Variants in RCC1L observed in about 807,000 individuals in gnomAD.
RCC1L encodes the protein RCC1 like.
RCC1L carries 46 observed loss-of-function variants against 58.6 expected under a neutral mutation model. That is an observed-to-expected ratio of 0.79 (90% confidence interval 0.62 to 1.00). RCC1L has a LOEUF of 1.00. Ranked by LOEUF, RCC1L falls within the 50% of genes least tolerant of loss-of-function variation. The pLI is 0.00. For missense variants in RCC1L, 636 were observed against 623.6 expected, an observed-to-expected ratio of 1.02 and a Z score of -0.21; for synonymous variants, 281 against 262.9, an observed-to-expected ratio of 1.07 and a Z score of -0.67.
intron 9 of RCC1L, 38 bp from the exon 10 acceptor site, chr7:75,052,834 G>A (rs1563074671): frequency 6.3e-7 from 1 of 1,583,926 alleles, no homozygotes; most frequent in Non-Finnish European, 8.6e-7. Context: ...TTGGGACTGT[G>A]TGAAGAACAA....
chr7:75,038,259 T>G (rs1178479575), downstream of RCC1L, among the ~76,000 whole-genome samples: 1 of 152,150 alleles, frequency 6.6e-6, no homozygotes, highest in Non-Finnish European at 1.5e-5. Flanking sequence ...AACAGTTGTT[T>G]GTTTGTTTTT....
At chr7:75,034,736 C>G (rs1805397515) in intron 10 of RCC1L, among the ~76,000 whole-genome samples, 3 of 152,110 alleles carry the variant, frequency 2.0e-5, no homozygotes, top group South Asian at 2.1e-4. Flanking sequence ...ACTGCAGCCT[C>G]GAACTCCTGG....
chr7:75,072,429 G>A (rs1554446290), intron 1 of RCC1L, among the ~76,000 whole-genome samples: 1 of 151,736 alleles, frequency 6.6e-6, no homozygotes, highest in African/African-American at 2.4e-5. Context: ...AGGCAGATGA[G>A]AAAGTGTGGC....
chr7:75,073,256 C>T (rs1806831498), intron 1 of RCC1L, among the ~76,000 whole-genome samples, 158 bp downstream of exon 1: 1 of 152,268 alleles, frequency 6.6e-6, no homozygotes, highest in African/African-American at 2.4e-5. Context: ...CCACCCCTAA[C>T]GCCTTCCCCT....
intron 1 of RCC1L, among the ~76,000 whole-genome samples, chr7:75,071,270 T>A (rs1294592480): frequency 6.6e-6 from 1 of 152,168 alleles, no homozygotes; most frequent in Non-Finnish European, 1.5e-5. Context: ...GATTTACACA[T>A]AGACCATAAA....
At chr7:75,053,032 T>G (rs587711685) in intron 9 of RCC1L, among the ~76,000 whole-genome samples, 1 of 139,314 alleles carries the variant, frequency 7.2e-6, no homozygotes, top group East Asian at 2.1e-4. Context: ...ACGTGGGAGA[T>G]GAGCACTCAA....
chr7:75,040,439 A>G (rs922494231), downstream of RCC1L, among the ~76,000 whole-genome samples: 5 of 152,150 alleles, frequency 3.3e-5, no homozygotes, highest in Admixed American at 6.5e-5. Flanking sequence ...CAGCCTGGGC[A>G]ACAGAGAGAG....
chr7:75,073,415 T>G lies in RCC1L; in HGVS notation c.323A>C (p.Lys108Thr). The change falls in exon 1 of 11, where the codon AAG becomes ACG. Residue 108 changes from lysine to threonine, a missense_variant and splice_region_variant. Lys to Thr is a moderately conservative substitution (Grantham distance 78). Transcript: ENST00000610322. ...PVPYRLELDQ[K>T]ISSAACGYGF... ...GAAGGAGGAAGCCGCGGCCTGCACC[T>G]TTTGGTCCAGCTCCAGGCGATAGGG... 1 of 1,252,216 alleles carries G rather than the reference T, an allele frequency of 8.0e-7. No individual in the cohort carries two copies. The allele number at this position is 1,252,216 out of a possible 1,614,324, so 77.6% of individuals were successfully genotyped here. A position where few individuals can be genotyped will look rare whatever the true frequency, so the allele number is the denominator to read the frequency against.
intron 10 of RCC1L, among the ~76,000 whole-genome samples, chr7:75,046,136 G>T (rs1805713390): frequency 6.6e-6 from 1 of 152,232 alleles, no homozygotes; most frequent in African/African-American, 2.4e-5. Flanking sequence ...ACAGCAGATG[G>T]ATGCTAGAAA....
chr7:75,040,439 A>C (rs922494231), downstream of RCC1L, among the ~76,000 whole-genome samples: 91 of 152,152 alleles, frequency 6.0e-4, 1 homozygote, highest in Admixed American at 2.1e-3. Flanking sequence ...CAGCCTGGGC[A>C]ACAGAGAGAG....
intron 7 of RCC1L, chr7:75,058,280 A>G: frequency 2.7e-6 from 1 of 365,582 alleles, no homozygotes; most frequent in African/African-American, 2.2e-5. Context: ...TCTGTCACCC[A>G]GGCTGGAATG....
chr7:75,048,810 C>T (rs1486492881), intron 10 of RCC1L, among the ~76,000 whole-genome samples: 4 of 152,238 alleles, frequency 2.6e-5, no homozygotes, highest in Non-Finnish European at 5.9e-5. Flanking sequence ...TCTCTCCACA[C>T]CAGCTTCAGG....
Position 75,052,077 on chromosome 7 carries a change from G to A in RCC1L, c.1317+634C>T, listed in dbSNP as rs949686307. Among the ~76,000 whole-genome samples, 31 of 152,098 alleles carry A rather than the reference G, an allele frequency of 2.0e-4. 1 individual carries two copies. Among genetic ancestry groups the A allele is most frequent in the Admixed American group, 5.2e-4 (8 of 15,266 alleles). On this transcript the variant is annotated intron_variant, in intron 10 of 10. Transcript: ENST00000610322. ...GGTAAACTACAATTTTAGAATGAGCGTCTCTTCCCCTGTAATTCTGGAAGG... is the reference window on the plus strand; with the variant it reads ...GGTAAACTACAATTTTAGAATGAGCATCTCTTCCCCTGTAATTCTGGAAGG...
intron 8 of RCC1L, chr7:75,056,449 C>A (rs1285526202): frequency 1.5e-6 from 2 of 1,363,286 alleles, no homozygotes; most frequent in South Asian, 3.0e-5. Context: ...GTGTTTCACA[C>A]TGATCAGAAG....
chr7:75,051,171 T>TG (rs1554443291), intron 10 of RCC1L, among the ~76,000 whole-genome samples: 2 of 141,786 alleles, frequency 1.4e-5, no homozygotes, highest in Non-Finnish European at 3.1e-5. Context: ...CCGATAGTCT[T>TG]GGAAAAAATA....
intron 10 of RCC1L, among the ~76,000 whole-genome samples, chr7:75,030,122 C>T (rs1477364688): frequency 6.6e-6 from 1 of 152,176 alleles, no homozygotes; most frequent in Non-Finnish European, 1.5e-5. Context: ...TTGTGGCTGT[C>T]ACTATAAGGG....
chr7:75,042,662 C>T lies in RCC1L; in HGVS notation c.*370G>A. On this transcript the variant is annotated 3_prime_UTR_variant, in exon 11 of 11. Coordinates refer to ENST00000610322, the MANE Select transcript of RCC1L (RefSeq NM_030798.5). ...GACACAAACCAAGAGACTGCCATGA[C>T]AGACAGAGCAGAAACCTCCCGAGCA... The T allele has an allele frequency of 9.0e-7, 1 of 1,116,536 alleles. No homozygotes were observed. Among genetic ancestry groups the T allele is most frequent in the Non-Finnish European group, 1.1e-6 (1 of 909,062 alleles). 69.2% of individuals were successfully genotyped at this position (1,116,536 alleles called of 1,614,324 possible). A position where few individuals can be genotyped will look rare whatever the true frequency, so the allele number is the denominator to read the frequency against.
At chr7:75,071,385 C>T (rs1554446083) in intron 1 of RCC1L, among the ~76,000 whole-genome samples, 2 of 152,098 alleles carry the variant, frequency 1.3e-5, no homozygotes. Flanking sequence ...TGGCTCACAC[C>T]TGTAATCCCA....
chr7:75,064,535 T>A, intron 4 of RCC1L, 47 bp downstream of exon 4: 1 of 1,607,890 alleles, frequency 6.2e-7, no homozygotes, highest in South Asian at 1.1e-5. Flanking sequence ...AGAAATGTTT[T>A]GACACTTAAC....
Sources: gnomAD v4.1 joint callset for allele counts (sites outside exome capture counted in the v4.1 genomes callset) on GRCh38, gnomAD v4.1.1 for gene constraint, MANE v1.5 for transcripts, NCBI Gene and HGNC (gene_info 2026-07-23, HGNC 2026-07-21) for gene names.